LMX1A: variants seen among roughly 807,000 people sequenced by gnomAD.
LMX1A encodes the protein LIM homeobox transcription factor 1-alpha.
A neutral mutation model predicts 49.1 loss-of-function variants in LMX1A; 15 were observed. That is an observed-to-expected ratio of 0.31 (90% CI 0.20 to 0.47). The LOEUF (loss-of-function observed/expected upper bound fraction) is 0.47. Among genes scored for constraint, LMX1A ranks in the 20% least tolerant of loss-of-function variants. The pLI is 1.00. For missense variants in LMX1A, 372 were observed against 475.8 expected (o/e 0.78, Z 2.03); for synonymous variants, 167 against 185.7 (o/e 0.90, Z 0.82).
At chr1:165,295,245 A>G (rs1222776102) in intron 3 of LMX1A, among the ~76,000 whole-genome samples, 1 of 151,692 alleles carries the variant, frequency 6.6e-6, no homozygotes, top group African/African-American at 2.4e-5. Flanking sequence ...AATCCCCACT[A>G]AAATATATAG....
intron 3 of LMX1A, among the ~76,000 whole-genome samples, chr1:165,320,608 G>A (rs934591106): frequency 7.2e-5 from 11 of 152,174 alleles, no homozygotes; most frequent in South Asian, 2.1e-4. Context: ...TAAAAGAGAC[G>A]TTCATACATT....
chr1:165,205,856 C>T lies in LMX1A; in HGVS notation c.988+8G>A, dbSNP rs188490327. ...TGAGAGGGCCCGAGGGGCTTAAGTC[C>T]CTCTTACCATAAGGGTGCATGTGGT... On this transcript the variant is annotated splice_region_variant and intron_variant, in intron 8 of 8. Transcript: ENST00000342310. 13 of 1,613,406 alleles carry T rather than the reference C, an allele frequency of 8.1e-6. No individual in the cohort carries two copies. Among genetic ancestry groups the T allele is most frequent in the African/African-American group, 1.3e-5 (1 of 74,866 alleles).
At chr1:165,249,825 T>C (rs764431659) in intron 3 of LMX1A, among the ~76,000 whole-genome samples, 185 bp from the exon 4 acceptor site, 1 of 152,188 alleles carries the variant, frequency 6.6e-6, no homozygotes, top group Admixed American at 6.5e-5. Context: ...AGTTGAGTCA[T>C]TCAAAGGCTT....
chr1:165,242,311 C>T (rs1183174011), intron 4 of LMX1A, among the ~76,000 whole-genome samples: 1 of 152,102 alleles, frequency 6.6e-6, no homozygotes, highest in Non-Finnish European at 1.5e-5. Flanking sequence ...GCCCTCATGA[C>T]AGGGACTTCA....
intron 3 of LMX1A, among the ~76,000 whole-genome samples, chr1:165,263,587 C>T (rs1041189453): frequency 1.3e-5 from 2 of 152,212 alleles, no homozygotes; most frequent in Non-Finnish European, 2.9e-5. Context: ...CCTGGGTTAC[C>T]TCCACAACTT....
intron 3 of LMX1A, among the ~76,000 whole-genome samples, chr1:165,273,864 TG>T (rs904884767): frequency 6.6e-6 from 1 of 152,152 alleles, no homozygotes; most frequent in Non-Finnish European, 1.5e-5. Context: ...GAGGCGCCCT[TG>T]GGAGGGCATA....
chr1:165,340,937 T>C (rs1656055564), intron 3 of LMX1A, among the ~76,000 whole-genome samples: 1 of 152,210 alleles, frequency 6.6e-6, no homozygotes, highest in Non-Finnish European at 1.5e-5. Context: ...GTTTGTCCTC[T>C]TCATTCCCAA....
Position 165,249,396 on chromosome 1 carries a change from C to G in LMX1A, c.496+12G>C, listed in dbSNP as rs1404596389. The G allele has an allele frequency of 1.3e-6, 2 of 1,599,522 alleles. No individual in the cohort carries two copies. Among genetic ancestry groups the G allele is most frequent in the African/African-American group, 1.3e-5 (1 of 74,636 alleles). On this transcript the variant is annotated intron_variant, in intron 4 of 8. Transcript: ENST00000342310. ...CACCCCACCGCAGCCCTGCCCACCA[C>G]CTGGCACTCACCTGAGTCTGAGGCT... is the stretch of plus-strand genomic sequence containing the variant.
intron 3 of LMX1A, among the ~76,000 whole-genome samples, chr1:165,306,477 A>G (rs1654923354): frequency 6.6e-6 from 1 of 152,228 alleles, no homozygotes; most frequent in Non-Finnish European, 1.5e-5. Context: ...GGTGACCCAT[A>G]GTCTGAAACA....
At chr1:165,284,615 C>T (rs1030573528) in intron 3 of LMX1A, among the ~76,000 whole-genome samples, 4 of 152,204 alleles carry the variant, frequency 2.6e-5, no homozygotes, top group Non-Finnish European at 5.9e-5. Context: ...CTGATATTAG[C>T]GAGCAGTGAT....
chr1:165,226,021 C>CT (rs5778432), intron 4 of LMX1A, among the ~76,000 whole-genome samples: 148,531 of 150,682 alleles, frequency 0.99, 73,212 homozygotes, highest in Middle Eastern at 1. Context: ...AGAATGGAAA[C>CT]TTTTTTTTTT....
intron 3 of LMX1A, among the ~76,000 whole-genome samples, chr1:165,339,930 T>A (rs1433908464): frequency 6.6e-6 from 1 of 152,110 alleles, no homozygotes; most frequent in Non-Finnish European, 1.5e-5. Flanking sequence ...TCCCAAAGCA[T>A]CTTCCCTTCA....
chr1:165,290,994 G>A (rs1654452855), intron 3 of LMX1A, among the ~76,000 whole-genome samples: 1 of 152,152 alleles, frequency 6.6e-6, no homozygotes, highest in Admixed American at 6.5e-5. Context: ...ATTATATCCA[G>A]CTTTGGCTTA....
At chr1:165,259,308 C>T (rs16841805) in intron 3 of LMX1A, among the ~76,000 whole-genome samples, 1,671 of 152,258 alleles carry the variant, frequency 0.011, 36 homozygotes, top group African/African-American at 0.038. Context: ...TACCCTAACC[C>T]AAGGTCAATA....
chr1:165,210,595 C>T (rs560059519), intron 6 of LMX1A, 104 bp downstream of exon 6: 3 of 720,840 alleles, frequency 4.2e-6, no homozygotes, highest in South Asian at 2.3e-5. Context: ...CTACTCTATC[C>T]AATGAGCTAA....
At chr1:165,206,468 G>T (rs1215380971) in intron 7 of LMX1A, among the ~76,000 whole-genome samples, 1 of 152,136 alleles carries the variant, frequency 6.6e-6, no homozygotes, top group African/African-American at 2.4e-5. Context: ...AGAAAAGCAG[G>T]ATTCACTTCC....
chr1:165,332,508 T>A (rs944911549), intron 3 of LMX1A, among the ~76,000 whole-genome samples: 2 of 152,156 alleles, frequency 1.3e-5, no homozygotes, highest in African/African-American at 2.4e-5. Flanking sequence ...GTCCAATGAT[T>A]CCACATGTAT....
intron 3 of LMX1A, among the ~76,000 whole-genome samples, chr1:165,262,240 G>A (rs575813781): frequency 8.8e-4 from 134 of 152,174 alleles, no homozygotes; most frequent in African/African-American, 3.1e-3. Context: ...AAAAGCTACT[G>A]TTTTCTTAAT....
At chr1:165,223,705 T>C (rs1651936033) in intron 4 of LMX1A, among the ~76,000 whole-genome samples, 1 of 152,160 alleles carries the variant, frequency 6.6e-6, no homozygotes, top group Admixed American at 6.5e-5. Context: ...AATACTTTAG[T>C]TACTCAAGCA....
Sources: allele counts gnomAD v4.1 joint callset (sites outside exome capture counted in the v4.1 genomes callset), GRCh38; gene constraint gnomAD v4.1.1; transcripts MANE v1.5; gene names NCBI Gene and HGNC (gene_info 2026-07-23, HGNC 2026-07-21).